MAML3: variants seen among roughly 807,000 people sequenced by gnomAD.
MAML3 encodes the protein mastermind-like protein 3.
In MAML3, 27 loss-of-function variants were observed where a neutral mutation model predicts 101.9. The observed-to-expected ratio is 0.27, with a 90% CI of 0.20 to 0.37. MAML3 has a LOEUF of 0.37. Among genes scored for constraint, MAML3 ranks in the 10% least tolerant of loss-of-function variants. The pLI, the probability that MAML3 is intolerant of heterozygous loss-of-function variation, is 1.00. For missense variants in MAML3, 1,316 were observed against 1,444.9 expected (o/e 0.91, Z 1.45); for synonymous variants, 501 against 555.9 (o/e 0.90, Z 1.39).
intron 1 of MAML3, among the ~76,000 whole-genome samples, chr4:140,086,494 G>A (rs892875235): frequency 1.3e-5 from 2 of 152,062 alleles, no homozygotes; most frequent in Non-Finnish European, 2.9e-5. Flanking sequence ...CAGAGAGGAT[G>A]AAGAAATTTC....
At chr4:140,140,442 T>C (rs1182400319) in intron 1 of MAML3, among the ~76,000 whole-genome samples, 1 of 152,218 alleles carries the variant, frequency 6.6e-6, no homozygotes, top group Non-Finnish European at 1.5e-5. Flanking sequence ...AACCAACTTT[T>C]GCTATTTAAG....
At chr4:140,074,199 G>GAGAAAGAAAGAAAGAAAGAAAGAA (rs57126361) in intron 1 of MAML3, among the ~76,000 whole-genome samples, 4 of 82,042 alleles carry the variant, frequency 4.9e-5, no homozygotes, top group African/African-American at 1.3e-4. Context: ...GAGAAAGAAA[G>GAGAAAGAAAGAAAGAAAGAAAGAA]AGAAAGAAAG....
At chr4:139,874,576 A>C (rs1210702218) in intron 2 of MAML3, among the ~76,000 whole-genome samples, 1 of 152,100 alleles carries the variant, frequency 6.6e-6, no homozygotes, top group Non-Finnish European at 1.5e-5. Context: ...ACAGGCACAT[A>C]AAATATGTTG....
At chr4:140,121,378 C>A (rs1346687435) in intron 1 of MAML3, among the ~76,000 whole-genome samples, 1 of 152,196 alleles carries the variant, frequency 6.6e-6, no homozygotes, top group Non-Finnish European at 1.5e-5. Flanking sequence ...ACGTCCTTCC[C>A]TTGATTCTAA....
intron 1 of MAML3, among the ~76,000 whole-genome samples, chr4:140,083,958 A>ACT (rs1407817861): frequency 3.7e-5 from 1 of 27,258 alleles, no homozygotes; most frequent in Non-Finnish European, 7.6e-5. Flanking sequence ...ACACACACAC[A>ACT]CACACACACA....
rs1258382086 is a variant in MAML3, at chr4:139,890,151, G to C, written c.1285C>G (p.Gln429Glu). ...CCATTTCCAGGCCGAGGTGGAGCTT[G>C]GCCTGGAGTGTGGGCTTGGTTTGGA... The part of the protein sequence containing the change: ...QTPNQAHTPG[Q>E]APPRPGNGYL... Residue 429 changes from glutamine to glutamate, a missense_variant, in exon 2 of 5, where the codon CAA (glutamine) becomes GAA (glutamate). By Grantham distance (29) the Gln-to-Glu change is conservative. Transcript: ENST00000509479. This position sits in a 1 kb window ranked among gnomAD's most constrained non-coding sequence, Gnocchi z 4.1. The C allele has an allele frequency of 6.2e-7, 1 of 1,613,684 alleles. No homozygotes were observed. Among genetic ancestry groups the C allele is most frequent in the Non-Finnish European group, 8.5e-7 (1 of 1,179,908 alleles).
chr4:139,749,739 G>A (rs1214623311), intron 2 of MAML3, among the ~76,000 whole-genome samples: 1 of 152,196 alleles, frequency 6.6e-6, no homozygotes, highest in African/African-American at 2.4e-5. Flanking sequence ...CCACTCAAGT[G>A]TGGTACCAAA....
At chr4:140,028,456 TTCTCTC>T (rs935797274) in intron 1 of MAML3, among the ~76,000 whole-genome samples, 1 of 152,002 alleles carries the variant, frequency 6.6e-6, no homozygotes, top group Non-Finnish European at 1.5e-5. Flanking sequence ...ATCTCTCTCC[TTCTCTC>T]TCTCTCTTTC....
intron 1 of MAML3, among the ~76,000 whole-genome samples, chr4:140,024,718 TA>T (rs377291661): frequency 6.6e-6 from 1 of 152,288 alleles, no homozygotes; most frequent in African/African-American, 2.4e-5. Flanking sequence ...AAGCCCATAA[TA>T]TAACTAAAGA....
At chr4:139,998,869 T>C (rs1734869162) in intron 1 of MAML3, among the ~76,000 whole-genome samples, 1 of 152,204 alleles carries the variant, frequency 6.6e-6, no homozygotes, top group African/African-American at 2.4e-5. Flanking sequence ...TAATCCTGGC[T>C]TCCTATTTGT....
rs921308015 is a variant in MAML3 at position 140,075,082 on chromosome 4, A to G, written c.468+77778T>C. Among the ~76,000 whole-genome samples the G allele has an allele frequency of 2.0e-5, 3 of 152,200 alleles. No homozygotes were observed. In the East Asian group the frequency reaches 5.8e-4, roughly 29 times the overall value. ...TAGTTTACTTTACTGAACGCTTATG[A>G]TAGACTCAGCACTGTTAAGTGCTTT... On this transcript the variant is annotated intron_variant, in intron 1 of 4. Transcript: ENST00000509479.
At position 139,972,633 on chromosome 4, in the gene MAML3, T is replaced by G. The variant is rs560971615; in HGVS notation, c.469-81666A>C. Among the ~76,000 whole-genome samples the G allele has an allele frequency of 7.2e-5, 11 of 152,324 alleles. No homozygotes were observed. The South Asian group carries it at 1.0e-3, about 14-fold the overall frequency. On this transcript the variant is annotated intron_variant, in intron 1 of 4. Coordinates refer to ENST00000509479, the MANE Select transcript of MAML3 (RefSeq NM_018717.5). Reference sequence around the variant, plus strand: ...AGAAGGTTTTGGGAAGATGGCAATGTTCCATATCATAATTGTGATGGTGAT... The same window carrying G: ...AGAAGGTTTTGGGAAGATGGCAATGGTCCATATCATAATTGTGATGGTGAT...
intron 1 of MAML3, among the ~76,000 whole-genome samples, chr4:140,126,907 A>C (rs1366061049): frequency 1.3e-5 from 2 of 152,104 alleles, no homozygotes; most frequent in Non-Finnish European, 2.9e-5. Flanking sequence ...TATTTTGAAA[A>C]TGGTCTCCTA....
chr4:140,005,604 A>G (rs1178359768), intron 1 of MAML3, among the ~76,000 whole-genome samples: 1 of 152,250 alleles, frequency 6.6e-6, no homozygotes, highest in Non-Finnish European at 1.5e-5. Context: ...TCTAACTGGA[A>G]AAATGCAGAT....
intron 2 of MAML3, among the ~76,000 whole-genome samples, chr4:139,775,203 A>G (rs1730069818): frequency 1.3e-5 from 2 of 152,132 alleles, no homozygotes; most frequent in Admixed American, 1.3e-4. Flanking sequence ...GTAAACTGGG[A>G]AATATTTTCT....
In MAML3 at chr4:139,996,686, C is replaced by CATGTGTGTGTGTGTGTGT. The variant is rs59834103; in HGVS notation, c.469-105720_469-105719insACACACACACACACACAT. 6.0e-3 allele frequency among the ~76,000 whole-genome samples: 913 copies of CATGTGTGTGTGTGTGTGT among 151,012 alleles called. 11 individuals are homozygous for CATGTGTGTGTGTGTGTGT. The highest frequency in any genetic ancestry group is 0.021 in the African/African-American group (869 of 41,184). ...TTCTATGGACAGTATATAGTTGTAT[C>CATGTGTGTGTGTGTGTGT]GTGTGTGTGTGTGTGTGTGTGTTTT... On this transcript the variant is annotated intron_variant, in intron 1 of 4. Transcript: ENST00000509479.
intron 1 of MAML3, among the ~76,000 whole-genome samples, chr4:140,139,677 G>A (rs1177883232): frequency 6.6e-6 from 1 of 152,296 alleles, no homozygotes. Context: ...CTGTAATCTC[G>A]ATAGTCTTTG....
chr4:139,928,973 G>A (rs1295915069), intron 1 of MAML3, among the ~76,000 whole-genome samples: 5 of 152,170 alleles, frequency 3.3e-5, no homozygotes, highest in Non-Finnish European at 7.3e-5. Context: ...AAGAGGAAGG[G>A]AAGTATATGA....
chr4:139,900,824 C>A (rs1490144232), intron 1 of MAML3, among the ~76,000 whole-genome samples: 1 of 152,124 alleles, frequency 6.6e-6, no homozygotes, highest in Non-Finnish European at 1.5e-5. Context: ...TATTGTCATA[C>A]AATATTCTAA....
Sources: gnomAD v4.1 joint callset for allele counts (sites outside exome capture counted in the v4.1 genomes callset) on GRCh38, gnomAD v4.1.1 for gene constraint, Gnocchi (gnomAD v3.1) non-coding constraint, MANE v1.5 for transcripts, NCBI Gene and HGNC (gene_info 2026-07-23, HGNC 2026-07-21) for gene names.